The following RPS6KA2 variants were observed in gnomAD, a reference collection of about 807,000 sequenced individuals.
RPS6KA2 encodes ribosomal protein S6 kinase A2.
A neutral mutation model predicts 91.8 loss-of-function variants in RPS6KA2; 42 were observed. The ratio of observed to expected loss-of-function variants is 0.46; its 90% confidence interval spans 0.36 to 0.59. RPS6KA2 has a LOEUF of 0.59. Ranked by LOEUF, RPS6KA2 falls within the 20% of genes least tolerant of loss-of-function variation. RPS6KA2 has a pLI of 0.00. For missense variants in RPS6KA2, 798 were observed against 978.5 expected (o/e 0.82, Z 2.46); for synonymous variants, 414 against 393.6 (o/e 1.05, Z -0.61).
intron 2 of RPS6KA2, among the ~76,000 whole-genome samples, chr6:166,773,204 C>T: frequency 6.6e-6 from 1 of 152,110 alleles, no homozygotes; most frequent in Non-Finnish European, 1.5e-5. Context: ...ATCTCCTCCC[C>T]TGAAGCATCT....
At chr6:166,826,136 C>T (rs1464840639) in intron 2 of RPS6KA2, among the ~76,000 whole-genome samples, 2 of 152,108 alleles carry the variant, frequency 1.3e-5, no homozygotes, top group African/African-American at 2.4e-5. Flanking sequence ...TGTTATTAAG[C>T]GGCTGGGAAA....
chr6:166,836,504 T>G (rs1780319488), intron 2 of RPS6KA2, among the ~76,000 whole-genome samples: 1 of 152,112 alleles, frequency 6.6e-6, no homozygotes, highest in Admixed American at 6.5e-5. Flanking sequence ...TTTCCACTTC[T>G]GTGCCCAATG....
At chr6:166,697,107 G>A (rs1789382677) in intron 2 of RPS6KA2, among the ~76,000 whole-genome samples, 1 of 149,018 alleles carries the variant, frequency 6.7e-6, no homozygotes, top group African/African-American at 2.5e-5. Context: ...ATGTGTGTGT[G>A]TATGGATACA....
chr6:166,570,316 G>A (rs1342610441), intron 1 of RPS6KA2, among the ~76,000 whole-genome samples: 1 of 152,198 alleles, frequency 6.6e-6, no homozygotes, highest in Non-Finnish European at 1.5e-5. Flanking sequence ...CACAAGATGG[G>A]TCAGCAATGG....
intron 2 of RPS6KA2, among the ~76,000 whole-genome samples, chr6:166,848,449 C>T (rs1041397163): frequency 2.6e-5 from 4 of 152,258 alleles, no homozygotes; most frequent in Middle Eastern, 6.8e-3. Flanking sequence ...AAAAAATACC[C>T]GCACATGCAT....
chr6:166,728,820 A>G (rs1317684858), intron 2 of RPS6KA2, among the ~76,000 whole-genome samples: 1 of 152,178 alleles, frequency 6.6e-6, no homozygotes, highest in Non-Finnish European at 1.5e-5. Flanking sequence ...GGCACCCGCC[A>G]GGCAGGTCTC....
intron 2 of RPS6KA2, among the ~76,000 whole-genome samples, chr6:166,693,832 AGT>A (rs1462419517): frequency 6.6e-6 from 1 of 152,224 alleles, no homozygotes; most frequent in African/African-American, 2.4e-5. Flanking sequence ...ATAAAAAACA[AGT>A]TCCACTCACC....
intron 14 of RPS6KA2, chr6:166,440,298 C>T (rs2128450320): frequency 6.6e-6 from 1 of 152,304 alleles, no homozygotes; most frequent in Admixed American, 6.5e-5. Context: ...GCACATGCTA[C>T]ATCTTATTGC....
intron 2 of RPS6KA2, among the ~76,000 whole-genome samples, chr6:166,700,571 CCT>C (rs542699896): frequency 7.9e-5 from 12 of 152,060 alleles, no homozygotes; most frequent in African/African-American, 2.7e-4. Context: ...GTTTTATACC[CCT>C]GTCAACACCG....
Position 166,836,011 on chromosome 6 carries a change from T to C in RPS6KA2, c.123+22189A>G, listed in dbSNP as rs1261354186. 2.0e-5 allele frequency among the ~76,000 whole-genome samples: 3 copies of C among 152,246 alleles called. No individual in the cohort carries two copies. The East Asian group carries it at 5.8e-4, about 29-fold the overall frequency. On this transcript the variant is annotated intron_variant, in intron 2 of 21. Transcript: ENST00000503859. ...GGTTTTTCTCTTTAGTCTGTTAATA[T>C]GGTAAATTCCATGCATTTATTTTCA...
In RPS6KA2 at chr6:166,459,397, A is replaced by T; in HGVS notation, c.1075+52T>A. On this transcript the variant is annotated intron_variant, in intron 12 of 20. Coordinates refer to ENST00000265678, the MANE Select transcript of RPS6KA2 (RefSeq NM_021135.6). The surrounding 1 kb of genome is among the most constrained non-coding windows in gnomAD (Gnocchi z 4.9). ...TTCTTGTTCCTAGATATCTGTCTCT[A>T]AGGGGTCAGGTGGGAGAAGCCACCG... 1 of 1,093,038 alleles carries T rather than the reference A, an allele frequency of 9.1e-7. No homozygotes were observed. The highest frequency in any genetic ancestry group is 1.4e-6 in the Non-Finnish European group (1 of 715,884). The allele number at this position is 1,093,038 out of a possible 1,614,324, so 67.7% of individuals were successfully genotyped here. A position where few individuals can be genotyped will look rare whatever the true frequency, so the allele number is the denominator to read the frequency against.
intron 2 of RPS6KA2, among the ~76,000 whole-genome samples, chr6:166,754,875 C>T (rs558427191): frequency 1.3e-5 from 2 of 152,270 alleles, no homozygotes; most frequent in East Asian, 3.9e-4. Flanking sequence ...CCCAGGGCGG[C>T]GGGTTCAGGC....
Position 166,770,070 on chromosome 6 carries a change from C to T in RPS6KA2, c.123+88130G>A, listed in dbSNP as rs1156399513. ...TCAACCAGAAACCAACTTCCAATGA[C>T]CCGTTTGGCACCTACAAGGAGCAGG... On this transcript the variant is annotated intron_variant, in intron 2 of 21. Transcript: ENST00000503859. The surrounding 1 kb of genome is among the most constrained non-coding windows in gnomAD (Gnocchi z 5.1). Among the ~76,000 whole-genome samples, 1 of 152,162 alleles carries T rather than the reference C, an allele frequency of 6.6e-6. No homozygotes were observed. Among genetic ancestry groups the T allele is most frequent in the Non-Finnish European group, 1.5e-5 (1 of 68,038 alleles).
chr6:166,702,610 C>A (rs1789558832), intron 2 of RPS6KA2: 2 of 1,570,492 alleles, frequency 1.3e-6, no homozygotes, highest in East Asian at 4.5e-5. Flanking sequence ...AATCCTTTGC[C>A]TTTTTGGGAC....
At chr6:166,851,073 CT>C (rs1319497809) in intron 2 of RPS6KA2, among the ~76,000 whole-genome samples, 1 of 152,212 alleles carries the variant, frequency 6.6e-6, no homozygotes, top group Non-Finnish European at 1.5e-5. Context: ...ATTACATCAC[CT>C]TTGGTGCCTC....
At chr6:166,845,813 C>T (rs1270851249) in intron 2 of RPS6KA2, among the ~76,000 whole-genome samples, 1 of 151,820 alleles carries the variant, frequency 6.6e-6, no homozygotes, top group Non-Finnish European at 1.5e-5. Context: ...ACTGGAGAAA[C>T]AAGAACAATC....
At chr6:166,653,054 C>G (rs551860348) in intron 2 of RPS6KA2, among the ~76,000 whole-genome samples, 12 of 152,326 alleles carry the variant, frequency 7.9e-5, no homozygotes, top group African/African-American at 2.9e-4. Context: ...CCATTTTTCT[C>G]TCCTAATGAT....
chr6:166,760,782 A>G (rs1778149042), intron 2 of RPS6KA2, among the ~76,000 whole-genome samples: 1 of 152,214 alleles, frequency 6.6e-6, no homozygotes, highest in Non-Finnish European at 1.5e-5. Flanking sequence ...GGGTCCGAAT[A>G]ATCCTCACCT....
Position 166,531,244 on chromosome 6 carries a change from C to T in RPS6KA2, c.286G>A (p.Ala96Thr), listed in dbSNP as rs1783264600. 1 of 1,613,728 alleles carries T rather than the reference C, an allele frequency of 6.2e-7. No individual in the cohort carries two copies. Among genetic ancestry groups the T allele is most frequent in the South Asian group, 1.1e-5 (1 of 91,074 alleles). The change falls in exon 3 of 21, where the codon GCC (alanine) becomes ACC (threonine). Residue 96 changes from alanine to threonine, a missense_variant. Physicochemically the swap from Ala to Thr is moderately conservative, Grantham distance 58 (BLOSUM62 0). Transcript: ENST00000265678. Reference protein sequence around the residue: ...QLYAMKVLKKATLKVRDRVRS... With the variant: ...QLYAMKVLKKTTLKVRDRVRS... ...CCGAAGCTCTTACCTTTTAGGGTGG[C>T]TTTCTTAAGGACCTTCATGGCGTAG...
Sources: allele counts gnomAD v4.1 joint callset (sites outside exome capture counted in the v4.1 genomes callset), GRCh38; gene constraint gnomAD v4.1.1; non-coding constraint Gnocchi (gnomAD v3.1); transcripts MANE v1.5; gene names NCBI Gene and HGNC (gene_info 2026-07-23, HGNC 2026-07-21).